Variants in PDZD2 observed in about 807,000 individuals in gnomAD.
PDZD2 encodes PDZ domain containing 2.
Under a neutral mutation model 220.7 loss-of-function variants are expected in PDZD2, and 90 were observed. The ratio of observed to expected loss-of-function variants is 0.41; its 90% CI spans 0.34 to 0.49. PDZD2 has a LOEUF of 0.49. Among genes scored for constraint, PDZD2 ranks in the 20% least tolerant of loss-of-function variants. The probability of loss-of-function intolerance (pLI) is 0.28; values close to 1 mark genes in which losing one functional copy is unlikely to be tolerated. For synonymous variants in PDZD2, 1,375 were observed against 1,450.5 expected (o/e 0.95, Z 1.18); for missense variants, 3,174 against 3,608.5 (o/e 0.88, Z 3.08).
Position 32,000,236 on chromosome 5 carries a change from G to T in PDZD2, c.1219G>T (p.Ala407Ser), listed in dbSNP as rs756638054. The T allele has an allele frequency of 6.2e-7, 1 of 1,614,174 alleles. No homozygotes were observed. Among genetic ancestry groups the T allele is most frequent in the South Asian group, 1.1e-5 (1 of 91,086 alleles). Residue 407 changes from alanine (A) to serine (S), a missense_variant, in exon 5 of 25, where the codon GCC (alanine) becomes TCC (serine). Physicochemically the swap from Ala to Ser is moderately conservative, Grantham distance 99. This residue lies in a region of PDZD2 where 632 missense variants were observed against 708.1 expected (regional missense o/e 0.89). Coordinates refer to ENST00000438447, the MANE Select transcript of PDZD2 (RefSeq NM_178140.4). This position sits in a 1 kb window ranked among gnomAD's most constrained non-coding sequence, Gnocchi z 4.5. ...GGAAGCAGTGGCCATTCTTCGCTCCGCCACGGGAATGGTGCAGCTTGTGGT... is the reference window on the plus strand; with the variant it reads ...GGAAGCAGTGGCCATTCTTCGCTCCTCCACGGGAATGGTGCAGCTTGTGGT... ...HEEAVAILRS[A>S]TGMVQLVVAS...
At chr5:31,778,386 AC>A (rs1752840395) in intron 1 of PDZD2, among the ~76,000 whole-genome samples, 1 of 151,772 alleles carries the variant, frequency 6.6e-6, no homozygotes, top group African/African-American at 2.4e-5. Context: ...GCTGCTGCTC[AC>A]TCTTTGGGTC....
intron 6 of PDZD2, among the ~76,000 whole-genome samples, chr5:32,016,564 C>T (rs12657024): frequency 0.23 from 35,713 of 152,002 alleles, 4,732 homozygotes; most frequent in Admixed American, 0.3. Context: ...CTATGGGGAG[C>T]GCATGTTCTT....
intron 3 of PDZD2, among the ~76,000 whole-genome samples, chr5:31,986,236 A>G (rs952630620): frequency 6.6e-6 from 1 of 151,972 alleles, no homozygotes; most frequent in African/African-American, 2.4e-5. Flanking sequence ...CCTTTAGGGC[A>G]TTTTTTTTAA....
intron 2 of PDZD2, among the ~76,000 whole-genome samples, chr5:31,979,967 A>G (rs1750154841): frequency 6.6e-6 from 1 of 152,234 alleles, no homozygotes; most frequent in South Asian, 2.1e-4. Flanking sequence ...TACTCAAAGA[A>G]TGAACTCAAA....
At chr5:31,808,861 T>C (rs1190928112) in intron 2 of PDZD2, among the ~76,000 whole-genome samples, 1 of 152,068 alleles carries the variant, frequency 6.6e-6, no homozygotes, top group Non-Finnish European at 1.5e-5. Flanking sequence ...ACACCTGTAG[T>C]TCCTGCTACT....
At chr5:32,074,983 G>C (rs13168349) in intron 18 of PDZD2, among the ~76,000 whole-genome samples, 10,772 of 151,992 alleles carry the variant, frequency 0.071, 623 homozygotes, top group African/African-American at 0.15. Flanking sequence ...GCTAATTTTT[G>C]TATTTTTTAG....
At position 31,707,078 on chromosome 5, in the gene PDZD2, T is replaced by C. The variant is rs1368671691; in HGVS notation, c.-361+67641T>C. Among the ~76,000 whole-genome samples, 3 of 139,348 alleles carry C rather than the reference T, an allele frequency of 2.2e-5. No individual in the cohort carries two copies. In the South Asian group the frequency reaches 6.7e-4, roughly 31 times the overall value. The allele number at this position is 139,348 out of a possible 152,430, so 91.4% of individuals were successfully genotyped here. On this transcript the variant is annotated intron_variant, in intron 1 of 24. Coordinates refer to ENST00000438447, the MANE Select transcript of PDZD2 (RefSeq NM_178140.4). ...TCAAGAAAGCAAACACCACATGTTC[T>C]CACTCATAGGTGGGAATTGAACAAT...
intron 2 of PDZD2, among the ~76,000 whole-genome samples, chr5:31,851,303 T>C (rs62360847): frequency 0.082 from 12,431 of 152,254 alleles, 624 homozygotes; most frequent in Middle Eastern, 0.15. Context: ...GGGCACTTCC[T>C]TTTCCTGTCA....
intron 2 of PDZD2, chr5:31,820,622 T>C (rs1487819819): frequency 6.6e-6 from 1 of 152,220 alleles, no homozygotes; most frequent in Admixed American, 6.5e-5. Flanking sequence ...TTTTAGTATA[T>C]GTGCTGCTTA....
At chr5:31,913,968 G>A (rs1358115634) in intron 2 of PDZD2, among the ~76,000 whole-genome samples, 1 of 152,014 alleles carries the variant, frequency 6.6e-6, no homozygotes, top group Non-Finnish European at 1.5e-5. Flanking sequence ...ACTCTCTACT[G>A]CTAAAAGCTA....
chr5:31,970,669 TA>T (rs553624885), intron 2 of PDZD2, among the ~76,000 whole-genome samples: 7 of 146,058 alleles, frequency 4.8e-5, no homozygotes, highest in East Asian at 4.0e-4. Context: ...AATAAATAAT[TA>T]AAAAAAAAAG....
intron 2 of PDZD2, among the ~76,000 whole-genome samples, chr5:31,856,011 C>T (rs1758413499): frequency 6.6e-6 from 1 of 152,118 alleles, no homozygotes; most frequent in Non-Finnish European, 1.5e-5. Context: ...AAATGCTTTT[C>T]ATAGAAATAG....
chr5:31,773,921 T>C (rs1365025018), intron 1 of PDZD2, among the ~76,000 whole-genome samples: 1 of 152,118 alleles, frequency 6.6e-6, no homozygotes. Context: ...CTACCCGCTT[T>C]ACAGACATCA....
chr5:31,681,684 C>T (rs780801697), intron 1 of PDZD2, among the ~76,000 whole-genome samples: 25 of 151,996 alleles, frequency 1.6e-4, no homozygotes, highest in Admixed American at 2.6e-4. Context: ...GAAGAGTTTT[C>T]GAAACTATAA....
chr5:31,991,757 G>T (rs372206825), intron 3 of PDZD2, among the ~76,000 whole-genome samples: 1 of 152,164 alleles, frequency 6.6e-6, no homozygotes, highest in Non-Finnish European at 1.5e-5. Flanking sequence ...GGCCCGGCAC[G>T]GTGGCTCACG....
chr5:32,002,606 C>T (rs1752232198), intron 5 of PDZD2, among the ~76,000 whole-genome samples: 1 of 128,610 alleles, frequency 7.8e-6, no homozygotes, highest in African/African-American at 2.6e-5. Flanking sequence ...ACACACACCA[C>T]ACACACACCA....
At chr5:31,935,609 C>T (rs996768772) in intron 2 of PDZD2, among the ~76,000 whole-genome samples, 3 of 151,938 alleles carry the variant, frequency 2.0e-5, no homozygotes, top group African/African-American at 7.3e-5. Flanking sequence ...ATAATTTAAC[C>T]CCTTGATTTT....
chr5:31,657,217 C>T (rs1446639791), intron 1 of PDZD2: 1 of 152,244 alleles, frequency 6.6e-6, no homozygotes, highest in East Asian at 1.9e-4. Context: ...GCCTATCTGG[C>T]CTTTTCAGCA....
intron 2 of PDZD2, among the ~76,000 whole-genome samples, chr5:31,861,226 C>T: frequency 6.6e-6 from 1 of 152,176 alleles, no homozygotes; most frequent in East Asian, 1.9e-4. Flanking sequence ...AGAAGCACAG[C>T]TCAGAGCCCC....
Sources: allele counts gnomAD v4.1 joint callset (sites outside exome capture counted in the v4.1 genomes callset), GRCh38; gene constraint gnomAD v4.1.1; regional missense constraint gnomAD v4.1.1; non-coding constraint Gnocchi (gnomAD v3.1); transcripts MANE v1.5; gene names NCBI Gene and HGNC (gene_info 2026-07-23, HGNC 2026-07-21).